ZCCHC10: variants seen among roughly 807,000 people sequenced by gnomAD.
The protein encoded by ZCCHC10 is zinc finger CCHC-type containing 10, also known as zinc finger CCHC domain-containing protein 10.
A neutral mutation model predicts 19.5 loss-of-function variants in ZCCHC10; 16 were observed. That is an observed-to-expected ratio of 0.82 (90% CI 0.56 to 1.25). The LOEUF (loss-of-function observed/expected upper bound fraction) is 1.25. Among genes scored for constraint, ZCCHC10 ranks in the 50% most tolerant of loss-of-function variants. The pLI is 0.00. For synonymous variants in ZCCHC10, 67 were observed against 72.5 expected (o/e 0.92, Z 0.38); for missense variants, 197 against 201.0 (o/e 0.98, Z 0.12).
intron 4 of ZCCHC10, among the ~76,000 whole-genome samples, chr5:132,999,722 G>A (rs1190653317): frequency 6.6e-6 from 1 of 152,128 alleles, no homozygotes; most frequent in African/African-American, 2.4e-5. Context: ...ATTATAAATT[G>A]CAGTAAGAGG....
At chr5:133,020,943 C>T (rs947353643) in intron 2 of ZCCHC10, among the ~76,000 whole-genome samples, 7 of 151,710 alleles carry the variant, frequency 4.6e-5, no homozygotes, top group Admixed American at 1.3e-4. Flanking sequence ...GTCGCCCAGG[C>T]TGGAGTGCAG....
At chr5:133,006,571 A>C (rs539192197) in intron 3 of ZCCHC10, among the ~76,000 whole-genome samples, 188 bp downstream of exon 3, 13 of 152,160 alleles carry the variant, frequency 8.5e-5, no homozygotes, top group Non-Finnish European at 1.3e-4. Context: ...AATAGTGTAG[A>C]TATCAGGTTT....
intron 2 of ZCCHC10, chr5:133,019,256 A>G (rs1016896818): frequency 7.7e-6 from 2 of 260,768 alleles, no homozygotes; most frequent in South Asian, 3.3e-5. Context: ...TATGATTAAC[A>G]TATTTTATAT....
At chr5:133,000,308 T>A in intron 3 of ZCCHC10, 135 bp from the exon 4 acceptor site, 1 of 929,424 alleles carries the variant, frequency 1.1e-6, no homozygotes, top group Non-Finnish European at 1.6e-6. Flanking sequence ...CAGAGTACAG[T>A]ATTTCTTATT....
intron 4 of ZCCHC10, among the ~76,000 whole-genome samples, chr5:132,999,105 G>A (rs1453334599): frequency 1.3e-5 from 2 of 151,882 alleles, no homozygotes; most frequent in Non-Finnish European, 2.9e-5. Flanking sequence ...TAGTAGAGAC[G>A]GGGTTTCATC....
intron 2 of ZCCHC10, among the ~76,000 whole-genome samples, chr5:133,009,701 G>A (rs1443006546): frequency 6.6e-6 from 1 of 151,646 alleles, no homozygotes. Context: ...TGCTGGGTGT[G>A]TCTGTCCATC....
chr5:133,018,210 G>A lies in ZCCHC10; in HGVS notation c.107+4631C>T, dbSNP rs143565671. Among the ~76,000 whole-genome samples, 688 of 151,152 alleles carry A rather than the reference G, an allele frequency of 4.6e-3. 3 individuals carry two copies. The highest frequency in any genetic ancestry group is 6.9e-3 in the Non-Finnish European group (466 of 67,858). On this transcript the variant is annotated intron_variant, in intron 2 of 4. Transcript: ENST00000509437. The stretch of plus-strand genomic sequence containing the variant: ...CAGATAGTAAACAAACCAAGGCCAG[G>A]TGTGTTGGTTCACACCTGCAATCCC...
chr5:133,005,193 G>A lies in ZCCHC10; in HGVS notation c.269+1566C>T, dbSNP rs57847565. Among the ~76,000 whole-genome samples, 877 of 152,120 alleles carry A rather than the reference G, an allele frequency of 5.8e-3. 11 individuals carry two copies. The highest frequency in any genetic ancestry group is 0.02 in the African/African-American group (825 of 41,490). The stretch of plus-strand genomic sequence containing the variant: ...ACGCACCTATACTCCCAGCTACTCC[G>A]GAGGCTGAGGCACAATCACATGAAC... On this transcript the variant is annotated intron_variant, in intron 3 of 4. Transcript: ENST00000509437.
chr5:133,023,461 CTTTT>C (rs34960372), intron 1 of ZCCHC10, among the ~76,000 whole-genome samples: 2 of 135,548 alleles, frequency 1.5e-5, no homozygotes, highest in African/African-American at 2.8e-5. Flanking sequence ...GTCCAAAGAC[CTTTT>C]TTTTTTTTTT....
At chr5:133,015,082 T>TTG (rs1024475814) in intron 2 of ZCCHC10, among the ~76,000 whole-genome samples, 4 of 150,404 alleles carry the variant, frequency 2.7e-5, no homozygotes, top group African/African-American at 9.9e-5. Context: ...GTGAGGTTTT[T>TTG]TTTTTTTTTT....
rs1178018094 is a variant in ZCCHC10, at chr5:133,008,544, A to AAAAAG, written c.108-1625_108-1624insCTTTT. 2.6e-5 allele frequency among the ~76,000 whole-genome samples: 4 copies of AAAAAG among 151,476 alleles called. No homozygotes were observed. The East Asian group carries it at 7.7e-4, about 29-fold the overall frequency. ...CAGGGTGAGACTCCATCTCAAAAAA[A>AAAAAG]AAAAAAAAAAATCAGAGAATCAACA... On this transcript the variant is annotated intron_variant, in intron 2 of 4. Coordinates refer to ENST00000509437, the MANE Select transcript of ZCCHC10 (RefSeq NM_001300816.3).
rs1561562929 is a variant in ZCCHC10 at position 133,025,519 on chromosome 5, A to AG, written c.41+977_41+978insC. Among the ~76,000 whole-genome samples, 30 of 149,788 alleles carry AG rather than the reference A, an allele frequency of 2.0e-4. 1 individual carries two copies. Among genetic ancestry groups the AG allele is most frequent in the Admixed American group, 3.3e-4 (5 of 14,992 alleles). Reference sequence around the variant, plus strand: ...ACTCCGCCTCAAAAAAAAAAAAAAAAAAAAAAAAAAAAAAGAAAGGGGCAT... The same window carrying AG: ...ACTCCGCCTCAAAAAAAAAAAAAAAAGAAAAAAAAAAAAAAGAAAGGGGCAT... On this transcript the variant is annotated intron_variant, in intron 1 of 4. Coordinates refer to ENST00000509437, the MANE Select transcript of ZCCHC10 (RefSeq NM_001300816.3).
In ZCCHC10 at chr5:133,024,842, G is replaced by A. The variant is rs747686612; in HGVS notation, c.41+1655C>T. Reference sequence around the variant, plus strand: ...CATTTGAACCAGGGAGGCAGAGGTTGCAGTGAGCCAAGATCGCACCACTGC... The same window carrying A: ...CATTTGAACCAGGGAGGCAGAGGTTACAGTGAGCCAAGATCGCACCACTGC... On this transcript the variant is annotated intron_variant, in intron 1 of 4. Transcript: ENST00000509437. Among the ~76,000 whole-genome samples, 54 of 151,998 alleles carry A rather than the reference G, an allele frequency of 3.6e-4. 1 individual carries two copies. The highest frequency in any genetic ancestry group is 5.7e-4 in the Non-Finnish European group (39 of 67,994).
In ZCCHC10 at chr5:133,024,238, C is replaced by T. The variant is rs115810507; in HGVS notation, c.42-1332G>A. Among the ~76,000 whole-genome samples the T allele has an allele frequency of 2.0e-3, 298 of 152,276 alleles. 2 individuals are homozygous for T. The highest frequency in any genetic ancestry group is 6.6e-3 in the African/African-American group (275 of 41,556). ...TATTTAAAGTGGACATTGGTTTTGCCAATCCTGCATTCATTTAACTCCTCT... is the reference window on the plus strand; with the variant it reads ...TATTTAAAGTGGACATTGGTTTTGCTAATCCTGCATTCATTTAACTCCTCT... On this transcript the variant is annotated intron_variant, in intron 1 of 4. Coordinates refer to ENST00000509437, the MANE Select transcript of ZCCHC10 (RefSeq NM_001300816.3).
intron 2 of ZCCHC10, among the ~76,000 whole-genome samples, chr5:133,008,846 T>TA (rs904881126): frequency 1.5e-4 from 23 of 151,756 alleles, no homozygotes; most frequent in Non-Finnish European, 2.4e-4. Context: ...ACCCTGTCTC[T>TA]AAAAAAAACT....
chr5:133,025,742 T>C (rs1764659225), intron 1 of ZCCHC10, among the ~76,000 whole-genome samples: 1 of 152,140 alleles, frequency 6.6e-6, no homozygotes, highest in South Asian at 2.1e-4. Context: ...CTGTTCAAAT[T>C]CCACCTCTTC....
At chr5:133,019,951 C>CAAA (rs34652763) in intron 2 of ZCCHC10, among the ~76,000 whole-genome samples, 2 of 95,364 alleles carry the variant, frequency 2.1e-5, no homozygotes, top group African/African-American at 6.8e-5. Flanking sequence ...GACTCCAGCT[C>CAAA]AAAAAAAAAA....
At chr5:132,999,033 A>G (rs1031729618) in intron 4 of ZCCHC10, among the ~76,000 whole-genome samples, 183 bp from the exon 5 acceptor site, 3 of 151,940 alleles carry the variant, frequency 2.0e-5, no homozygotes, top group Admixed American at 6.6e-5. Flanking sequence ...CTCTTGCCTC[A>G]GCCTTCCAAG....
intron 2 of ZCCHC10, among the ~76,000 whole-genome samples, chr5:133,009,613 CAAAA>C (rs59555378): frequency 5.4e-5 from 3 of 55,514 alleles, no homozygotes; most frequent in African/African-American, 6.3e-5. Flanking sequence ...GACTCCGTCT[CAAAA>C]AAAAAAAAAA....
Sources: allele counts gnomAD v4.1 joint callset (sites outside exome capture counted in the v4.1 genomes callset), GRCh38; gene constraint gnomAD v4.1.1; transcripts MANE v1.5; gene names NCBI Gene and HGNC (gene_info 2026-07-23, HGNC 2026-07-21).